OCA2: variants seen among roughly 807,000 people sequenced by gnomAD.
The protein encoded by OCA2 is OCA2 melanosomal transmembrane protein.
Under a neutral mutation model 100.2 loss-of-function variants are expected in OCA2, and 77 were observed. The ratio of observed to expected loss-of-function variants is 0.77; its 90% CI spans 0.64 to 0.93. The LOEUF is 0.93. OCA2 is among the 40% of genes least tolerant of loss of function. The pLI, the probability that OCA2 is intolerant of heterozygous loss-of-function variation, is 0.00. For missense variants in OCA2, 1,062 were observed against 1,089.1 expected (o/e 0.98, Z 0.35); for synonymous variants, 432 against 439.2 (o/e 0.98, Z 0.21).
At chr15:27,859,971 A>C (rs1434394826) in intron 21 of OCA2, among the ~76,000 whole-genome samples, 1 of 152,234 alleles carries the variant, frequency 6.6e-6, no homozygotes. Context: ...AAAGTTATAA[A>C]GGTGCTATTT....
chr15:27,879,807 C>T (rs11853629), intron 19 of OCA2, among the ~76,000 whole-genome samples: 119,712 of 151,978 alleles, frequency 0.79, 48,220 homozygotes, highest in East Asian at 1. Flanking sequence ...AGGTTGTCTG[C>T]TCATTCTGAT....
intron 19 of OCA2, among the ~76,000 whole-genome samples, chr15:27,906,309 T>C (rs955728224): frequency 1.3e-5 from 2 of 152,136 alleles, no homozygotes; most frequent in African/African-American, 4.8e-5. Flanking sequence ...GCAACAACTA[T>C]TATGTACTCA....
At chr15:27,868,569 G>A (rs2036419154) in intron 21 of OCA2, among the ~76,000 whole-genome samples, 1 of 152,094 alleles carries the variant, frequency 6.6e-6, no homozygotes, top group African/African-American at 2.4e-5. Flanking sequence ...TGGAGGGAGG[G>A]GGATGGGCAG....
chr15:27,937,451 T>C (rs2039497712), intron 18 of OCA2, among the ~76,000 whole-genome samples: 1 of 152,340 alleles, frequency 6.6e-6, no homozygotes, highest in South Asian at 2.1e-4. Flanking sequence ...AAGATATACA[T>C]TGTTCTAAAC....
the OCA2 span, among the ~76,000 whole-genome samples, chr15:27,745,836 C>T: frequency 1.4e-3 from 217 of 152,324 alleles, no homozygotes; most frequent in Middle Eastern, 6.8e-3. Context: ...GCACTCCTTT[C>T]GATTCATTCC....
At chr15:27,958,866 G>A (rs115762139) in intron 15 of OCA2, among the ~76,000 whole-genome samples, 1 of 152,126 alleles carries the variant, frequency 6.6e-6, no homozygotes, top group Admixed American at 6.5e-5. Flanking sequence ...GCAGGCGCTG[G>A]GGCACTGGAA....
chr15:28,010,284 C>T (rs995114276), intron 9 of OCA2, among the ~76,000 whole-genome samples: 6 of 152,188 alleles, frequency 3.9e-5, no homozygotes, highest in Non-Finnish European at 8.8e-5. Context: ...TAATGTCATA[C>T]TTCATGGTGA....
At chr15:28,070,377 C>T (rs2044206145) in intron 2 of OCA2, among the ~76,000 whole-genome samples, 1 of 139,814 alleles carries the variant, frequency 7.2e-6, no homozygotes, top group Non-Finnish European at 1.5e-5. Context: ...CTCTGCCCGG[C>T]CGCCCCTACT....
At chr15:27,808,707 G>A (rs950615493) in intron 23 of OCA2, among the ~76,000 whole-genome samples, 6 of 152,198 alleles carry the variant, frequency 3.9e-5, no homozygotes, top group Non-Finnish European at 7.3e-5. Context: ...TGACACAAGG[G>A]CAGCTGGGAG....
chr15:27,952,818 G>A (rs2040080808), intron 17 of OCA2, among the ~76,000 whole-genome samples: 1 of 152,040 alleles, frequency 6.6e-6, no homozygotes, highest in African/African-American at 2.4e-5. Flanking sequence ...CAGTAGCTGG[G>A]ACTACAGGTG....
chr15:27,746,502 T>C, the OCA2 span, among the ~76,000 whole-genome samples: 341 of 151,176 alleles, frequency 2.3e-3, 10 homozygotes, highest in East Asian at 0.05. Context: ...AAATAGAACT[T>C]TTTTCCCCCT....
At chr15:27,977,032 G>T (rs1403180088) in intron 14 of OCA2, among the ~76,000 whole-genome samples, 1 of 152,046 alleles carries the variant, frequency 6.6e-6, no homozygotes, top group Non-Finnish European at 1.5e-5. Context: ...TATCTAAGTT[G>T]TCAAATAGTT....
chr15:27,846,655 G>A (rs2035548553), intron 22 of OCA2, among the ~76,000 whole-genome samples: 2 of 152,180 alleles, frequency 1.3e-5, no homozygotes, highest in African/African-American at 4.8e-5. Context: ...CCTGATCTGC[G>A]AGGGACCACT....
At chr15:27,831,283 T>TAAAAAAAAAAA (rs2034941403) in intron 23 of OCA2, among the ~76,000 whole-genome samples, 1 of 14,160 alleles carries the variant, frequency 7.1e-5, no homozygotes, top group Non-Finnish European at 1.7e-4. Flanking sequence ...AGACTCCGTC[T>TAAAAAAAAAAA]CAAAAAAAAA....
chr15:27,947,121 T>C (rs2039866356), intron 18 of OCA2, among the ~76,000 whole-genome samples: 1 of 152,242 alleles, frequency 6.6e-6, no homozygotes, highest in Non-Finnish European at 1.5e-5. Context: ...ATTTCTCCTG[T>C]ATCTTTGGGT....
chr15:27,981,893 G>A (rs2041173583), intron 14 of OCA2, among the ~76,000 whole-genome samples: 1 of 152,158 alleles, frequency 6.6e-6, no homozygotes, highest in South Asian at 2.1e-4. Context: ...GGCTTGGCCA[G>A]GGTCGTCCCT....
intron 18 of OCA2, 131 bp downstream of exon 18, chr15:27,951,653 C>G: frequency 2.7e-6 from 2 of 733,250 alleles, no homozygotes; most frequent in Admixed American, 2.0e-5. Flanking sequence ...TGCCCACCCT[C>G]CATCTCAGCC....
intron 19 of OCA2, among the ~76,000 whole-genome samples, chr15:27,922,258 C>T (rs1034851778): frequency 2.6e-5 from 4 of 152,222 alleles, no homozygotes; most frequent in Non-Finnish European, 5.9e-5. Context: ...CATGTGTCAT[C>T]CACGGTTTAA....
At chr15:27,728,838 G>A in the OCA2 span, among the ~76,000 whole-genome samples, 3 of 152,142 alleles carry the variant, frequency 2.0e-5, no homozygotes, top group South Asian at 2.1e-4. Context: ...GAGCCATACC[G>A]TCAGCCTTTT....
Sources: gnomAD v4.1 joint callset for allele counts (sites outside exome capture counted in the v4.1 genomes callset) on GRCh38, gnomAD v4.1.1 for gene constraint, MANE v1.5 for transcripts, NCBI Gene and HGNC (gene_info 2026-07-23, HGNC 2026-07-21) for gene names.